VPS35L: variants seen among roughly 807,000 people sequenced by gnomAD.
VPS35L encodes VPS35 endosomal protein-sorting factor-like.
A neutral mutation model predicts 133.0 loss-of-function variants in VPS35L; 83 were observed. The ratio of observed to expected loss-of-function variants is 0.62; its 90% CI spans 0.52 to 0.75. The LOEUF is 0.75. VPS35L is among the 30% of genes least tolerant of loss of function. The pLI is 0.00. For synonymous variants in VPS35L, 423 were observed against 449.9 expected, an observed-to-expected ratio of 0.94 and a Z score of 0.76; for missense variants, 1,083 against 1,206.8, an observed-to-expected ratio of 0.90 and a Z score of 1.52.
chr16:19,618,349 CACAG>C (rs1972965898), intron 14 of VPS35L, among the ~76,000 whole-genome samples: 1 of 152,118 alleles, frequency 6.6e-6, no homozygotes, highest in Admixed American at 6.5e-5. Context: ...TATAAACACA[CACAG>C]AGATGCACAC....
chr16:19,597,051 A>T (rs1972238897), intron 8 of VPS35L, among the ~76,000 whole-genome samples: 1 of 148,152 alleles, frequency 6.7e-6, no homozygotes, highest in Non-Finnish European at 1.5e-5. Flanking sequence ...CAACAACAAC[A>T]AAACAACAAC....
chr16:19,673,491 AT>A (rs562492278), intron 27 of VPS35L, among the ~76,000 whole-genome samples: 311 of 152,314 alleles, frequency 2.0e-3, no homozygotes, highest in African/African-American at 7.2e-3. Context: ...CCCCTTAGGC[AT>A]TTGTGGAAAG....
intron 17 of VPS35L, 144 bp from the exon 18 acceptor site, chr16:19,629,623 A>G (rs1376148143): frequency 1.7e-6 from 1 of 589,240 alleles, no homozygotes; most frequent in African/African-American, 1.9e-5. Context: ...ATATTCCTAA[A>G]TAAAAGATCA....
intron 1 of VPS35L, among the ~76,000 whole-genome samples, chr16:19,560,694 G>A (rs879016021): frequency 4.6e-5 from 7 of 152,060 alleles, no homozygotes; most frequent in Admixed American, 4.6e-4. Context: ...CACTTGGGAG[G>A]CTGAGGCAGG....
intron 29 of VPS35L, among the ~76,000 whole-genome samples, chr16:19,691,779 C>T (rs142019197): frequency 4.6e-5 from 7 of 151,786 alleles, no homozygotes; most frequent in Admixed American, 3.3e-4. Flanking sequence ...GCCCGATTGT[C>T]CCTGTAGCGC....
In VPS35L at chr16:19,628,768, T is replaced by C. The variant is rs1311479308; in HGVS notation, c.1500+15T>C. The C allele has an allele frequency of 8.0e-6, 8 of 994,620 alleles. No individual in the cohort carries two copies. The highest frequency in any genetic ancestry group is 3.1e-5 in the Admixed American group (1 of 32,148). The allele number at this position is 994,620 out of a possible 1,614,324, so 61.6% of individuals were successfully genotyped here. A position where few individuals can be genotyped will look rare whatever the true frequency, so the allele number is the denominator to read the frequency against. On this transcript the variant is annotated intron_variant, in intron 17 of 30. Transcript: ENST00000417362. ...AGAACCCACAGGTGAGTGGCCATTT[T>C]ATTTTTATTTTTATTTATTTATTTA...
At chr16:19,611,052 T>G (rs1025487247) in intron 12 of VPS35L, among the ~76,000 whole-genome samples, 1 of 152,122 alleles carries the variant, frequency 6.6e-6, no homozygotes, top group African/African-American at 2.4e-5. Flanking sequence ...CAGGCTGGAG[T>G]GCAGTGGCGC....
rs147556257 is a variant in VPS35L, at chr16:19,666,996, T to TCTTTCTTTCTTTCTTTCTTTC, written c.2222-2164_2222-2163insCTTTCTTTCTTTCTTTCTTTC. 2.2e-3 allele frequency among the ~76,000 whole-genome samples: 232 copies of TCTTTCTTTCTTTCTTTCTTTC among 107,866 alleles called. 2 individuals are homozygous for TCTTTCTTTCTTTCTTTCTTTC. The highest frequency in any genetic ancestry group is 5.3e-3 in the South Asian group (18 of 3,378). 70.8% of individuals were successfully genotyped at this position (107,866 alleles called of 152,430 possible). On this transcript the variant is annotated intron_variant, in intron 26 of 30. Transcript: ENST00000417362. ...TCTTCCTTTCTTTCTTTCTTTCTTT[T>TCTTTCTTTCTTTCTTTCTTTC]TTTTTGAGACAGAGCATTGCTCTGT...
rs1971293990 is a variant in VPS35L at position 19,569,513 on chromosome 16, G to A, written c.207G>A (p.Leu69=). The A allele has an allele frequency of 1.2e-6, 2 of 1,610,694 alleles. No homozygotes were observed. Among genetic ancestry groups the A allele is most frequent in the Non-Finnish European group, 1.7e-6 (2 of 1,178,654 alleles). ...CCTCCAGCTCCGTGGTGGACCCGCT[G>A]AGCAGCGTCCTCGATGGGACTGACC... ...SSSSSSVVDP[L]SSVLDGTDPL... is the part of the protein sequence containing the mutation. The change falls in exon 3 of 31, where the codon CTG becomes CTA. Residue 69 remains leucine, a synonymous_variant. Coordinates refer to ENST00000417362, the MANE Select transcript of VPS35L (RefSeq NM_020314.7).
intron 7 of VPS35L, among the ~76,000 whole-genome samples, chr16:19,590,633 G>T (rs181487643): frequency 5.3e-5 from 8 of 152,250 alleles, no homozygotes; most frequent in African/African-American, 1.9e-4. Context: ...CTAAATAGCA[G>T]ACGAGTACTC....
chr16:19,700,373 C>T lies in VPS35L; in HGVS notation c.2794-5C>T, dbSNP rs995946756. 2.5e-6 allele frequency: 4 copies of T among 1,611,574 alleles called. No individual in the cohort carries two copies. The highest frequency in any genetic ancestry group is 3.4e-6 in the Non-Finnish European group (4 of 1,177,848). ...AAGGAGATGGATCTTTCTTTTTCCT[C>T]ATAGGTGAAAACGCTAGAATACATC... On this transcript the variant is annotated splice_polypyrimidine_tract_variant and splice_region_variant and intron_variant, in intron 30 of 30. Coordinates refer to ENST00000417362, the MANE Select transcript of VPS35L (RefSeq NM_020314.7).
intron 26 of VPS35L, among the ~76,000 whole-genome samples, chr16:19,664,375 C>T (rs959437281): frequency 1.3e-5 from 2 of 151,896 alleles, no homozygotes; most frequent in East Asian, 1.9e-4. Context: ...AGAGCAGTGC[C>T]GTGAGATGCG....
chr16:19,626,811 G>C (rs1973278668), intron 15 of VPS35L, among the ~76,000 whole-genome samples: 1 of 151,896 alleles, frequency 6.6e-6, no homozygotes, highest in East Asian at 1.9e-4. Context: ...CCATGGGGCT[G>C]TGGTAGGTGG....
At chr16:19,564,118 C>T (rs1971109584) in intron 1 of VPS35L, among the ~76,000 whole-genome samples, 1 of 151,972 alleles carries the variant, frequency 6.6e-6, no homozygotes. Context: ...TCACTCTGTC[C>T]CCCAGGCTGG....
chr16:19,696,837 C>T (rs1042661188), intron 29 of VPS35L, among the ~76,000 whole-genome samples: 2 of 152,134 alleles, frequency 1.3e-5, no homozygotes, highest in African/African-American at 4.8e-5. Flanking sequence ...AACAGTTTCT[C>T]CCACTTCAGT....
intron 26 of VPS35L, among the ~76,000 whole-genome samples, chr16:19,652,864 G>A (rs1974177669): frequency 6.6e-6 from 1 of 152,184 alleles, no homozygotes; most frequent in Admixed American, 6.5e-5. Context: ...CCCAAGACTG[G>A]TCTTTCCGTA....
chr16:19,638,776 A>C (rs1204127728), intron 20 of VPS35L, among the ~76,000 whole-genome samples: 1 of 152,212 alleles, frequency 6.6e-6, no homozygotes, highest in Non-Finnish European at 1.5e-5. Context: ...GTATAGCGTG[A>C]GATTTCATTA....
chr16:19,610,526 T>G (rs1437962007), intron 12 of VPS35L, 111 bp downstream of exon 12: 1 of 654,618 alleles, frequency 1.5e-6, no homozygotes, highest in Non-Finnish European at 2.5e-6. Context: ...GAGAAGGACT[T>G]TATTAGTGGC....
chr16:19,655,072 C>T (rs528286723), intron 26 of VPS35L, among the ~76,000 whole-genome samples: 18 of 152,284 alleles, frequency 1.2e-4, no homozygotes, highest in Non-Finnish European at 2.2e-4. Context: ...CTTCCTATAA[C>T]GTCCTCGGTC....
Sources: allele counts gnomAD v4.1 joint callset (sites outside exome capture counted in the v4.1 genomes callset), GRCh38; gene constraint gnomAD v4.1.1; transcripts MANE v1.5; gene names NCBI Gene and HGNC (gene_info 2026-07-23, HGNC 2026-07-21).